Variants in HPSE2 observed in about 807,000 individuals in gnomAD.
The protein encoded by HPSE2 is heparanase 2 (inactive), also known as inactive heparanase-2.
In HPSE2, 38 loss-of-function variants were observed where a neutral mutation model predicts 60.5. The observed-to-expected ratio is 0.63, with a 90% CI of 0.48 to 0.82. The LOEUF (loss-of-function observed/expected upper bound fraction) is 0.82, where lower values mean the gene tolerates loss of function less well. Ranked by LOEUF, HPSE2 falls within the 40% of genes least tolerant of loss-of-function variation. The pLI is 0.00. For missense variants in HPSE2, 713 were observed against 740.4 expected (o/e 0.96, Z 0.43); for synonymous variants, 295 against 293.2 (o/e 1.01, Z -0.06).
chr10:99,012,678 G>A (rs1009737913), intron 3 of HPSE2, among the ~76,000 whole-genome samples: 2 of 152,058 alleles, frequency 1.3e-5, no homozygotes, highest in Non-Finnish European at 2.9e-5. Context: ...CTTCCCATAT[G>A]TAACATATTT....
intron 3 of HPSE2, among the ~76,000 whole-genome samples, chr10:98,968,521 A>C (rs2135258987): frequency 6.6e-6 from 1 of 152,338 alleles, no homozygotes; most frequent in Middle Eastern, 3.4e-3. Context: ...AAGAAAAATA[A>C]GTTGTTATAT....
chr10:98,985,493 A>G lies in HPSE2; in HGVS notation c.610+158745T>C, dbSNP rs530210092. ...CCCTAAAACAGCTCCTGAAGGAAGCACTAAACATGGAAAGGAACAACCAGT... is the reference window on the plus strand; with the variant it reads ...CCCTAAAACAGCTCCTGAAGGAAGCGCTAAACATGGAAAGGAACAACCAGT... On this transcript the variant is annotated intron_variant, in intron 3 of 11. Coordinates refer to ENST00000370552, the MANE Select transcript of HPSE2 (RefSeq NM_021828.5). Among the ~76,000 whole-genome samples the G allele has an allele frequency of 5.5e-4, 84 of 152,360 alleles. 1 individual carries two copies. The highest frequency in any genetic ancestry group is 3.5e-3 in the South Asian group (17 of 4,834).
intron 3 of HPSE2, among the ~76,000 whole-genome samples, chr10:98,847,804 G>A (rs1469426815): frequency 6.6e-6 from 1 of 152,158 alleles, no homozygotes; most frequent in Non-Finnish European, 1.5e-5. Flanking sequence ...GTCTGTCAAT[G>A]AAATTTCCCT....
chr10:99,220,580 G>A (rs996353656), intron 2 of HPSE2, among the ~76,000 whole-genome samples: 4 of 152,016 alleles, frequency 2.6e-5, no homozygotes, highest in South Asian at 2.1e-4. Flanking sequence ...CGAGGTGGGC[G>A]GATCATGAGC....
intron 9 of HPSE2, among the ~76,000 whole-genome samples, chr10:98,562,095 C>A (rs1944203963): frequency 6.6e-6 from 1 of 151,740 alleles, no homozygotes; most frequent in African/African-American, 2.4e-5. Context: ...TTTTCCCGTA[C>A]CTTTTCTATG....
At chr10:99,202,683 T>A (rs763321456) in intron 2 of HPSE2, among the ~76,000 whole-genome samples, 1 of 151,762 alleles carries the variant, frequency 6.6e-6, no homozygotes, top group Non-Finnish European at 1.5e-5. Context: ...TAAAGCAGAG[T>A]CCCAGCCAGA....
intron 5 of HPSE2, among the ~76,000 whole-genome samples, chr10:98,717,854 C>T (rs893026158): frequency 6.6e-6 from 1 of 152,010 alleles, no homozygotes; most frequent in African/African-American, 2.4e-5. Flanking sequence ...ATGTGAAGCG[C>T]AATAAATATG....
chr10:98,548,631 G>T (rs928773429), intron 9 of HPSE2, among the ~76,000 whole-genome samples: 1 of 147,088 alleles, frequency 6.8e-6, no homozygotes, highest in Non-Finnish European at 1.5e-5. Context: ...AAAAAAAAAA[G>T]AAATTTAGAG....
At chr10:99,285,710 C>T in the HPSE2 span, among the ~76,000 whole-genome samples, 16 of 152,080 alleles carry the variant, frequency 1.1e-4, no homozygotes, top group Admixed American at 1.0e-3. Context: ...GGGTGGATTG[C>T]AGCCAGGAGT....
the HPSE2 span, among the ~76,000 whole-genome samples, chr10:99,306,501 A>C: frequency 5.1e-4 from 2 of 3,932 alleles, no homozygotes; most frequent in Admixed American, 8.8e-4. Flanking sequence ...GTTACCCCCC[A>C]AAAAAACCTC....
intron 9 of HPSE2, among the ~76,000 whole-genome samples, chr10:98,601,317 A>C (rs1025967026): frequency 2.6e-5 from 4 of 152,216 alleles, no homozygotes; most frequent in African/African-American, 9.6e-5. Context: ...TCTGGGTAAC[A>C]TGGCCTAGCC....
chr10:98,780,845 G>A (rs1219263919), intron 3 of HPSE2, among the ~76,000 whole-genome samples: 1 of 152,066 alleles, frequency 6.6e-6, no homozygotes, highest in Non-Finnish European at 1.5e-5. Flanking sequence ...AAACAAAAAT[G>A]GAATGATCAC....
chr10:99,201,207 C>T (rs1364051153), intron 2 of HPSE2, among the ~76,000 whole-genome samples: 7 of 152,170 alleles, frequency 4.6e-5, no homozygotes, highest in Admixed American at 3.9e-4. Context: ...CAAATAATTG[C>T]AAAGGATATT....
chr10:99,273,493 G>C, the HPSE2 span, among the ~76,000 whole-genome samples: 3 of 152,060 alleles, frequency 2.0e-5, no homozygotes, highest in African/African-American at 7.2e-5. Flanking sequence ...CTCTGCCTTT[G>C]GCCTAAATGC....
intron 3 of HPSE2, among the ~76,000 whole-genome samples, chr10:98,987,541 T>C (rs1309296475): frequency 6.6e-6 from 1 of 152,196 alleles, no homozygotes; most frequent in Non-Finnish European, 1.5e-5. Context: ...AATATCATAC[T>C]GAATGGGCAA....
chr10:99,188,139 A>T (rs1848096121), intron 2 of HPSE2, among the ~76,000 whole-genome samples: 1 of 152,204 alleles, frequency 6.6e-6, no homozygotes, highest in African/African-American at 2.4e-5. Context: ...ACAAGTGTAT[A>T]TATACATTCA....
chr10:98,983,183 A>G (rs1956248958), intron 3 of HPSE2, among the ~76,000 whole-genome samples: 1 of 152,192 alleles, frequency 6.6e-6, no homozygotes, highest in African/African-American at 2.4e-5. Context: ...TTTATTGTGC[A>G]CTTTATTTCT....
In HPSE2 at chr10:98,666,097, A is replaced by C. The variant is rs367778288; in HGVS notation, c.1005-24157T>G. ...GTAAAGGGATGAATAAAGATCTAAC[A>C]TGCAAACAGAAAGCAAAAAAGAACA... On this transcript the variant is annotated intron_variant, in intron 6 of 11. Transcript: ENST00000370552. Among the ~76,000 whole-genome samples the C allele has an allele frequency of 3.9e-5, 6 of 152,322 alleles. 1 individual carries two copies. The East Asian group carries it at 7.7e-4, about 20-fold the overall frequency.
intron 2 of HPSE2, among the ~76,000 whole-genome samples, chr10:99,168,616 C>A (rs2133794182): frequency 6.6e-6 from 1 of 152,236 alleles, no homozygotes; most frequent in South Asian, 2.1e-4. Context: ...TCTTTCTTAG[C>A]TTGCAGGTAG....
Sources: gnomAD v4.1 joint callset for allele counts (sites outside exome capture counted in the v4.1 genomes callset) on GRCh38, gnomAD v4.1.1 for gene constraint, MANE v1.5 for transcripts, NCBI Gene and HGNC (gene_info 2026-07-23, HGNC 2026-07-21) for gene names.